Variants in KCNB2 observed in about 807,000 individuals in gnomAD.
The protein encoded by KCNB2 is delayed rectifier potassium channel protein.
KCNB2 carries 15 observed loss-of-function variants against 61.5 expected under a neutral mutation model. The observed-to-expected ratio is 0.24, with a 90% confidence interval of 0.16 to 0.38. The LOEUF is 0.38. KCNB2 is among the 10% of genes least tolerant of loss of function. The pLI is 1.00. For synonymous variants in KCNB2, 457 were observed against 446.0 expected (o/e 1.02, Z -0.31); for missense variants, 828 against 1,125.2 (o/e 0.74, Z 3.78).
At chr8:72,916,549 A>ACAG (rs1296254579) in intron 2 of KCNB2, among the ~76,000 whole-genome samples, 3 of 152,272 alleles carry the variant, frequency 2.0e-5, no homozygotes, top group African/African-American at 7.2e-5. Context: ...TGCTGTTTTA[A>ACAG]CTTTACTGTC....
At position 72,937,111 on chromosome 8, in the gene KCNB2, C is replaced by G. The variant is rs1436551474; in HGVS notation, c.1756C>G (p.Leu586Val). 11 of 1,614,050 alleles carry G rather than the reference C, an allele frequency of 6.8e-6. No individual in the cohort carries two copies. The African/African-American group carries it at 1.2e-4, about 18-fold the overall frequency. Residue 586 changes from leucine to valine, a missense_variant, in exon 3 of 3, where the codon CTG (leucine) becomes GTG (valine). Leu to Val is a conservative substitution (Grantham distance 32). Coordinates refer to ENST00000523207, the MANE Select transcript of KCNB2 (RefSeq NM_004770.3). ...MEEVVCPQEQLAVAQTEVIVD... is the reference protein window; with the variant it reads ...MEEVVCPQEQVAVAQTEVIVD... ...AGAAGTGGTGTGTCCACAGGAGCAG[C>G]TGGCCGTGGCACAGACCGAGGTCAT...
chr8:72,728,886 G>A (rs1196361210), intron 2 of KCNB2, among the ~76,000 whole-genome samples: 2 of 152,182 alleles, frequency 1.3e-5, no homozygotes, highest in African/African-American at 4.8e-5. Context: ...TTTAAGTTAA[G>A]TGGTTTATCT....
intron 2 of KCNB2, among the ~76,000 whole-genome samples, chr8:72,631,903 C>G (rs1279228900): frequency 8.6e-5 from 13 of 152,000 alleles, no homozygotes; most frequent in Admixed American, 8.5e-4. Flanking sequence ...CTGCCTTTTT[C>G]TGTATGGTCT....
intron 2 of KCNB2, among the ~76,000 whole-genome samples, chr8:72,838,700 T>A (rs1234648858): frequency 6.6e-6 from 1 of 152,206 alleles, no homozygotes; most frequent in Non-Finnish European, 1.5e-5. Context: ...TTACAGTTAC[T>A]GGATCTAAAT....
At chr8:72,573,598 A>G (rs1585759914) in intron 2 of KCNB2, among the ~76,000 whole-genome samples, 2 of 152,076 alleles carry the variant, frequency 1.3e-5, no homozygotes, top group Admixed American at 6.5e-5. Flanking sequence ...TATCCTCTAC[A>G]TTGAGGCCCC....
intron 2 of KCNB2, among the ~76,000 whole-genome samples, chr8:72,671,576 A>T (rs901505919): frequency 6.6e-6 from 1 of 152,158 alleles, no homozygotes; most frequent in Non-Finnish European, 1.5e-5. Flanking sequence ...TTAATATATG[A>T]AGGAGAATAC....
chr8:72,931,413 A>T (rs575535076), intron 2 of KCNB2, among the ~76,000 whole-genome samples: 1 of 152,242 alleles, frequency 6.6e-6, no homozygotes, highest in South Asian at 2.1e-4. Context: ...CACGATATTG[A>T]TTCTTCCTAT....
intron 2 of KCNB2, among the ~76,000 whole-genome samples, chr8:72,843,405 A>G (rs574281543): frequency 6.6e-6 from 1 of 152,284 alleles, no homozygotes; most frequent in African/African-American, 2.4e-5. Flanking sequence ...AGAAGAATGT[A>G]TATTCTGTTG....
At chr8:72,543,693 T>G (rs574217314) in intron 1 of KCNB2, among the ~76,000 whole-genome samples, 1 of 152,346 alleles carries the variant, frequency 6.6e-6, no homozygotes, top group African/African-American at 2.4e-5. Context: ...AAGCAAGTTT[T>G]TTATTTACAT....
At chr8:72,915,090 TAGAGACGG>T (rs1806367978) in intron 2 of KCNB2, among the ~76,000 whole-genome samples, 27 of 152,020 alleles carry the variant, frequency 1.8e-4, no homozygotes, top group Admixed American at 1.8e-3. Flanking sequence ...GTATTTTTAT[TAGAGACGG>T]CGTTTCACCA....
At chr8:72,826,212 T>C (rs1809593608) in intron 2 of KCNB2, among the ~76,000 whole-genome samples, 1 of 152,178 alleles carries the variant, frequency 6.6e-6, no homozygotes, top group Non-Finnish European at 1.5e-5. Context: ...AGTACCTCAG[T>C]CATAGCTGAG....
At chr8:72,745,615 C>A (rs1317887203) in intron 2 of KCNB2, among the ~76,000 whole-genome samples, 3 of 152,132 alleles carry the variant, frequency 2.0e-5, no homozygotes, top group Non-Finnish European at 4.4e-5. Flanking sequence ...TGACAGTATG[C>A]AGCGATTTGC....
chr8:72,611,565 A>C (rs553013033), intron 2 of KCNB2, among the ~76,000 whole-genome samples: 1 of 152,190 alleles, frequency 6.6e-6, no homozygotes, highest in African/African-American at 2.4e-5. Context: ...CTCCCTTGCC[A>C]TGAGGACTGC....
At chr8:72,559,007 CAG>C (rs138112786) in intron 1 of KCNB2, among the ~76,000 whole-genome samples, 42 of 149,914 alleles carry the variant, frequency 2.8e-4, no homozygotes, top group Non-Finnish European at 4.3e-4. Flanking sequence ...GGATCTACAA[CAG>C]AGAGAGAGAG....
intron 2 of KCNB2, among the ~76,000 whole-genome samples, chr8:72,650,170 C>A (rs1446822601): frequency 6.6e-6 from 1 of 151,842 alleles, no homozygotes; most frequent in Non-Finnish European, 1.5e-5. Context: ...TAAGTAACAC[C>A]CTGTAGCTAT....
chr8:72,723,821 T>C (rs1469998884), intron 2 of KCNB2, among the ~76,000 whole-genome samples: 1 of 152,222 alleles, frequency 6.6e-6, no homozygotes, highest in African/African-American at 2.4e-5. Flanking sequence ...CATTCAGTTA[T>C]GGAAACATTC....
intron 2 of KCNB2, among the ~76,000 whole-genome samples, chr8:72,813,517 A>G (rs1809340600): frequency 6.6e-6 from 1 of 152,156 alleles, no homozygotes; most frequent in Non-Finnish European, 1.5e-5. Flanking sequence ...AGGAAGTTCT[A>G]AAAGGGGAAG....
At chr8:72,854,823 T>A (rs1810179740) in intron 2 of KCNB2, among the ~76,000 whole-genome samples, 1 of 152,072 alleles carries the variant, frequency 6.6e-6, no homozygotes. Flanking sequence ...TGGTCAAATG[T>A]TACAGGTCAG....
intron 1 of KCNB2, among the ~76,000 whole-genome samples, chr8:72,547,395 C>A (rs184580141): frequency 6.6e-6 from 1 of 152,192 alleles, no homozygotes; most frequent in East Asian, 1.9e-4. Context: ...TATAGTGATT[C>A]CTCTGATAGA....
Sources: gnomAD v4.1 joint callset for allele counts (sites outside exome capture counted in the v4.1 genomes callset) on GRCh38, gnomAD v4.1.1 for gene constraint, MANE v1.5 for transcripts, NCBI Gene and HGNC (gene_info 2026-07-23, HGNC 2026-07-21) for gene names.